Variants in INVS observed in about 807,000 individuals in gnomAD.
INVS encodes the protein inversion of embryo turning homolog.
INVS carries 86 observed loss-of-function variants against 108.8 expected under a neutral mutation model. The observed-to-expected ratio is 0.79, with a 90% CI of 0.66 to 0.95. The LOEUF (loss-of-function observed/expected upper bound fraction) is 0.95. Ranked by LOEUF, INVS falls within the 40% of genes least tolerant of loss-of-function variation. INVS has a pLI of 0.00. For missense variants in INVS, 1,169 were observed against 1,297.4 expected (o/e 0.90, Z 1.52); for synonymous variants, 455 against 473.5 (o/e 0.96, Z 0.51).
intron 3 of INVS, among the ~76,000 whole-genome samples, chr9:100,197,511 G>A (rs1266705155): frequency 1.3e-5 from 2 of 152,328 alleles, no homozygotes; most frequent in African/African-American, 4.8e-5. Context: ...GGAGTGGGGT[G>A]CACCACCCTC....
chr9:100,249,386 TAATATC>T (rs1832149298), intron 8 of INVS, among the ~76,000 whole-genome samples: 3 of 152,306 alleles, frequency 2.0e-5, no homozygotes, highest in South Asian at 4.1e-4. Flanking sequence ...ACTCTATAGA[TAATATC>T]AATGTCAAAT....
chr9:100,104,717 C>G, intron 2 of INVS, 90 bp downstream of exon 2: 2 of 816,320 alleles, frequency 2.5e-6, no homozygotes, highest in Non-Finnish European at 4.3e-6. Context: ...GCAATGTACT[C>G]ATACATTTTA....
In INVS at chr9:100,126,394, C is replaced by G. The variant is rs148219510; in HGVS notation, c.118C>G (p.Leu40Val). Residue 40 changes from leucine (L) to valine (V), a missense_variant, in exon 3 of 17, where the codon CTT (leucine) becomes GTT (valine). Leu to Val is a conservative substitution (Grantham distance 32, BLOSUM62 1). Transcript: ENST00000262457. ...LQRLIVGNSALKDKEDQFGRT... is the reference protein window; with the variant it reads ...LQRLIVGNSAVKDKEDQFGRT... Reference sequence around the variant, plus strand: ...TCTTATCCTTATAGGAAACTCTGCTCTTAAAGACAAAGAAGATCAGTTTGG... The same window carrying G: ...TCTTATCCTTATAGGAAACTCTGCTGTTAAAGACAAAGAAGATCAGTTTGG... The G allele has an allele frequency of 1.2e-4, 190 of 1,613,658 alleles. No individual in the cohort carries two copies. The East Asian group carries it at 2.1e-3, about 18-fold the overall frequency.
At chr9:100,103,782 C>G (rs1827087439) in intron 1 of INVS, among the ~76,000 whole-genome samples, 1 of 151,886 alleles carries the variant, frequency 6.6e-6, no homozygotes, top group African/African-American at 2.4e-5. Flanking sequence ...AACTCCTGGG[C>G]TCAAGAAATT....
At chr9:100,184,589 G>T (rs1442878802) in intron 3 of INVS, among the ~76,000 whole-genome samples, 3 of 152,156 alleles carry the variant, frequency 2.0e-5, no homozygotes, top group African/African-American at 7.2e-5. Flanking sequence ...CCTATAGTCT[G>T]TATGTAATAA....
At chr9:100,288,678 T>G (rs948795547) in intron 13 of INVS, among the ~76,000 whole-genome samples, 1 of 151,728 alleles carries the variant, frequency 6.6e-6, no homozygotes, top group African/African-American at 2.4e-5. Context: ...TGGAGTGCAG[T>G]GGTTCAAGCA....
intron 3 of INVS, among the ~76,000 whole-genome samples, chr9:100,208,739 CTT>C (rs1235095198): frequency 1.3e-5 from 2 of 152,112 alleles, no homozygotes; most frequent in African/African-American, 4.8e-5. Context: ...GTTTTAATAA[CTT>C]TGCTTGCAGT....
rs1209279751 is a variant in INVS, at chr9:100,100,707, A to T, written c.-25+1291A>T. On this transcript the variant is annotated intron_variant, in intron 1 of 16. Transcript: ENST00000262457. ...TATATATATTATATATGTACATATA[A>T]TATATATATTATATGTACATATAAT... 5.1e-4 allele frequency among the ~76,000 whole-genome samples: 16 copies of T among 31,142 alleles called. 3 individuals carry two copies. The highest frequency in any genetic ancestry group is 6.4e-4 in the Non-Finnish European group (13 of 20,226). The allele number at this position is 31,142 out of a possible 152,430, so 20.4% of individuals were successfully genotyped here.
intron 2 of INVS, among the ~76,000 whole-genome samples, chr9:100,108,868 C>G (rs370204175): frequency 2.0e-5 from 3 of 152,180 alleles, no homozygotes; most frequent in South Asian, 2.1e-4. Flanking sequence ...ATTTCAGTAG[C>G]AATTCTTAGT....
intron 3 of INVS, among the ~76,000 whole-genome samples, chr9:100,223,967 T>A (rs985412211): frequency 4.6e-5 from 7 of 152,146 alleles, no homozygotes; most frequent in Non-Finnish European, 8.8e-5. Context: ...TTGGCTTCCC[T>A]GGGCCACACT....
intron 5 of INVS, among the ~76,000 whole-genome samples, chr9:100,232,917 T>C (rs1290012263): frequency 6.6e-6 from 1 of 152,144 alleles, no homozygotes; most frequent in Non-Finnish European, 1.5e-5. Context: ...TTGATGGAAA[T>C]AGCATTGAAT....
intron 3 of INVS, among the ~76,000 whole-genome samples, chr9:100,214,155 C>A (rs904136424): frequency 6.6e-6 from 1 of 152,162 alleles, no homozygotes; most frequent in East Asian, 1.9e-4. Flanking sequence ...TCAACTATGT[C>A]CCTCAGTATC....
intron 10 of INVS, among the ~76,000 whole-genome samples, chr9:100,258,317 A>G (rs1355248777): frequency 6.6e-6 from 1 of 152,034 alleles, no homozygotes; most frequent in African/African-American, 2.4e-5. Context: ...ATCTTTTTCC[A>G]AAGTTTTTAT....
At chr9:100,146,093 G>C (rs992562499) in intron 3 of INVS, among the ~76,000 whole-genome samples, 1 of 151,316 alleles carries the variant, frequency 6.6e-6, no homozygotes. Flanking sequence ...AGGTCCCCCC[G>C]ATCCGAGTCA....
At chr9:100,296,609 C>T (rs577663356) in intron 14 of INVS, among the ~76,000 whole-genome samples, 1 of 152,210 alleles carries the variant, frequency 6.6e-6, no homozygotes, top group Non-Finnish European at 1.5e-5. Flanking sequence ...TCTGTTTGCA[C>T]AACCAGCTCC....
At chr9:100,207,212 C>A (rs1336033532) in intron 3 of INVS, among the ~76,000 whole-genome samples, 4 of 152,156 alleles carry the variant, frequency 2.6e-5, no homozygotes, top group African/African-American at 9.7e-5. Context: ...CATCGTTTGA[C>A]CACTCACACC....
At chr9:100,270,134 A>G (rs1421835075) in intron 11 of INVS, among the ~76,000 whole-genome samples, 1 of 150,906 alleles carries the variant, frequency 6.6e-6, no homozygotes, top group Non-Finnish European at 1.5e-5. Flanking sequence ...TTTTTTTTGC[A>G]GTGTTTTGAG....
chr9:100,175,059 C>G (rs1427547377), intron 3 of INVS: 1 of 207,722 alleles, frequency 4.8e-6, no homozygotes, highest in Non-Finnish European at 9.8e-6. Flanking sequence ...CCAACTTCTT[C>G]ATACTTTCAC....
intron 5 of INVS, among the ~76,000 whole-genome samples, chr9:100,233,518 G>C (rs1831580383): frequency 6.6e-6 from 1 of 152,104 alleles, no homozygotes. Context: ...GCCATAAATA[G>C]CTCTTATTAT....
Sources: allele counts gnomAD v4.1 joint callset (sites outside exome capture counted in the v4.1 genomes callset), GRCh38; gene constraint gnomAD v4.1.1; transcripts MANE v1.5; gene names NCBI Gene and HGNC (gene_info 2026-07-23, HGNC 2026-07-21).